Variants in AOAH observed in about 807,000 individuals in gnomAD.
The protein encoded by AOAH is acyloxyacyl hydrolase.
A neutral mutation model predicts 92.2 loss-of-function variants in AOAH; 64 were observed. The ratio of observed to expected loss-of-function variants is 0.69; its 90% confidence interval spans 0.57 to 0.86. The LOEUF is 0.86. AOAH is among the 40% of genes least tolerant of loss of function. The probability of loss-of-function intolerance (pLI) is 0.00; values close to 1 mark genes in which losing one functional copy is unlikely to be tolerated. For missense variants in AOAH, 656 were observed against 694.6 expected (o/e 0.94, Z 0.62); for synonymous variants, 263 against 254.5 (o/e 1.03, Z -0.32).
chr7:36,532,043 G>T, intron 18 of AOAH, 104 bp downstream of exon 18: 1 of 1,365,820 alleles, frequency 7.3e-7, no homozygotes, highest in Non-Finnish European at 1.0e-6. Flanking sequence ...TCACCAGCTT[G>T]GAGACCATCT....
At chr7:36,697,505 GTC>G (rs1363081996) in intron 1 of AOAH, among the ~76,000 whole-genome samples, 1 of 152,166 alleles carries the variant, frequency 6.6e-6, no homozygotes, top group Non-Finnish European at 1.5e-5. Context: ...TCCTTGTGAT[GTC>G]TCTGTCTGGA....
chr7:36,610,740 A>G (rs1791397180), intron 11 of AOAH, among the ~76,000 whole-genome samples: 1 of 152,148 alleles, frequency 6.6e-6, no homozygotes, highest in Admixed American at 6.5e-5. Context: ...CTCCTTCCCC[A>G]ATATCTTGAT....
Position 36,616,602 on chromosome 7 carries a change from A to G in AOAH, c.752-128T>C, listed in dbSNP as rs1039699458. The G allele has an allele frequency of 3.1e-5, 22 of 712,056 alleles. No individual in the cohort carries two copies. In the African/African-American group the frequency reaches 3.9e-4, roughly 13 times the overall value. 44.1% of individuals were successfully genotyped at this position (712,056 alleles called of 1,614,324 possible). On this transcript the variant is annotated intron_variant, in intron 10 of 20. Transcript: ENST00000617537. ...CCGAGCATTTTCACAGTAATGCATTACCACTTTTCGCATGTTTGAGAGTGA... is the reference window on the plus strand; with the variant it reads ...CCGAGCATTTTCACAGTAATGCATTGCCACTTTTCGCATGTTTGAGAGTGA...
intron 15 of AOAH, among the ~76,000 whole-genome samples, chr7:36,543,970 T>C (rs1335151782): frequency 4.9e-5 from 7 of 142,320 alleles, no homozygotes; most frequent in South Asian, 2.3e-4. Flanking sequence ...TTTTTTGAGA[T>C]GGAGTCTCAC....
chr7:36,521,899 A>G (rs1784124280), intron 20 of AOAH, 140 bp downstream of exon 20: 8 of 663,292 alleles, frequency 1.2e-5, no homozygotes, highest in Non-Finnish European at 2.1e-5. Flanking sequence ...TAAATCTTCT[A>G]TCCTATACAT....
chr7:36,514,100 A>C (rs535723871), intron 20 of AOAH, among the ~76,000 whole-genome samples: 1 of 152,234 alleles, frequency 6.6e-6, no homozygotes, highest in South Asian at 2.1e-4. Flanking sequence ...AGACATGCCA[A>C]ATGACACCAC....
intron 1 of AOAH, among the ~76,000 whole-genome samples, chr7:36,690,429 T>A (rs1230570581): frequency 1.3e-5 from 2 of 152,306 alleles, no homozygotes; most frequent in East Asian, 3.9e-4. Flanking sequence ...CCCCTTCCAG[T>A]TGAATTGTTA....
At chr7:36,651,850 A>G (rs1272944447) in intron 4 of AOAH, among the ~76,000 whole-genome samples, 1 of 152,228 alleles carries the variant, frequency 6.6e-6, no homozygotes, top group Non-Finnish European at 1.5e-5. Flanking sequence ...CTGGGTTAAA[A>G]TTAGAGATAT....
chr7:36,528,886 G>A (rs1467651248), intron 19 of AOAH, among the ~76,000 whole-genome samples: 1 of 152,182 alleles, frequency 6.6e-6, no homozygotes, highest in East Asian at 1.9e-4. Context: ...ATTTTAATGG[G>A]CATAGAGATG....
At chr7:36,630,156 G>A (rs1038649894) in intron 6 of AOAH, among the ~76,000 whole-genome samples, 48 of 152,248 alleles carry the variant, frequency 3.2e-4, no homozygotes, top group African/African-American at 1.1e-3. Flanking sequence ...CTTAGAAGGA[G>A]CGTGGCCCTG....
At chr7:36,551,788 T>C (rs552462719) in intron 13 of AOAH, among the ~76,000 whole-genome samples, 1 of 152,374 alleles carries the variant, frequency 6.6e-6, no homozygotes, top group African/African-American at 2.4e-5. Flanking sequence ...GTTTTGGACG[T>C]ATGGTATATC....
At chr7:36,577,928 T>C (rs190245678) in intron 12 of AOAH, among the ~76,000 whole-genome samples, 1 of 152,342 alleles carries the variant, frequency 6.6e-6, no homozygotes, top group African/African-American at 2.4e-5. Context: ...CTAATTGTAT[T>C]ACAGTGCTTG....
At position 36,540,488 on chromosome 7, in the gene AOAH, C is replaced by G; in HGVS notation, c.1137G>C (p.Lys379Asn). ...TGGTCATGGCTGGGACTGGGTCACTCTTCCTGTTGGTGGAATAAACAGAAA... is the reference window on the plus strand; with the variant it reads ...TGGTCATGGCTGGGACTGGGTCACTGTTCCTGTTGGTGGAATAAACAGAAA... ...AMIGNDVCSGKSDPVPAMTTP... is the reference protein window; with the variant it reads ...AMIGNDVCSGNSDPVPAMTTP... Residue 379 changes from lysine to asparagine, a missense_variant, in exon 16 of 21, where the codon AAG (lysine) becomes AAC (asparagine). Lys to Asn is a moderately conservative substitution (Grantham distance 94). Transcript: ENST00000617537. The G allele has an allele frequency of 6.2e-7, 1 of 1,603,896 alleles. No homozygotes were observed. Among genetic ancestry groups the G allele is most frequent in the Non-Finnish European group, 8.5e-7 (1 of 1,175,424 alleles).
intron 2 of AOAH, among the ~76,000 whole-genome samples, chr7:36,678,596 T>TGCGCGC (rs1375924212): frequency 3.5e-4 from 48 of 138,084 alleles, no homozygotes; most frequent in African/African-American, 1.2e-3. Context: ...TGTGTGTGTG[T>TGCGCGC]GTGTGCGCGC....
intron 16 of AOAH, among the ~76,000 whole-genome samples, chr7:36,533,147 C>T (rs774729141): frequency 2.0e-5 from 3 of 151,922 alleles, no homozygotes; most frequent in Non-Finnish European, 2.9e-5. Flanking sequence ...CTTCCAACAC[C>T]GCTCCACCCC....
Position 36,534,984 on chromosome 7 carries a change from TTGTG to T in AOAH, c.1307-2644_1307-2641del, listed in dbSNP as rs889339907. Among the ~76,000 whole-genome samples the T allele has an allele frequency of 1.3e-4, 19 of 141,926 alleles. No homozygotes were observed. The East Asian group carries it at 2.1e-3, about 16-fold the overall frequency. 93.1% of individuals were successfully genotyped at this position (141,926 alleles called of 152,430 possible). ...TGTGTCTGTGTCTCTGTGTGTGTGT[TTGTG>T]TGTGTCTGCTTGTGTGTATCTGTGT... is the stretch of plus-strand genomic sequence containing the variant. On this transcript the variant is annotated intron_variant, in intron 16 of 20. Coordinates refer to ENST00000617537, the MANE Select transcript of AOAH (RefSeq NM_001637.4).
chr7:36,714,382 G>T (rs1397758633), intron 1 of AOAH, among the ~76,000 whole-genome samples: 3 of 152,100 alleles, frequency 2.0e-5, no homozygotes, highest in East Asian at 3.9e-4. Context: ...ATTCACAGCC[G>T]AATTCTACCA....
intron 1 of AOAH, among the ~76,000 whole-genome samples, chr7:36,699,861 A>AT (rs1029461340): frequency 2.6e-5 from 4 of 151,994 alleles, no homozygotes; most frequent in African/African-American, 4.8e-5. Context: ...ACACACAAAA[A>AT]TTCTTTGCTC....
intron 20 of AOAH, among the ~76,000 whole-genome samples, chr7:36,520,244 A>G (rs1415138696): frequency 2.6e-5 from 4 of 152,240 alleles, no homozygotes. Flanking sequence ...GATAGATGGG[A>G]TAAATATATC....
Sources: gnomAD v4.1 joint callset for allele counts (sites outside exome capture counted in the v4.1 genomes callset) on GRCh38, gnomAD v4.1.1 for gene constraint, MANE v1.5 for transcripts, NCBI Gene and HGNC (gene_info 2026-07-23, HGNC 2026-07-21) for gene names.